TMEM74: variants seen among roughly 807,000 people sequenced by gnomAD.
TMEM74 encodes transmembrane protein 74.
TMEM74 carries 13 observed loss-of-function variants against 18.1 expected under a neutral mutation model. The observed-to-expected ratio is 0.72, with a 90% CI of 0.47 to 1.14. The LOEUF is 1.14. Ranked by LOEUF, TMEM74 falls within the 50% of genes most tolerant of loss-of-function variation. The probability of loss-of-function intolerance (pLI) is 0.00; values close to 1 mark genes in which losing one functional copy is unlikely to be tolerated. For synonymous variants in TMEM74, 159 were observed against 146.6 expected (o/e 1.08, Z -0.61); for missense variants, 372 against 375.9 (o/e 0.99, Z 0.09).
At chr8:108,689,224 A>G (rs1349882800) in intron 1 of TMEM74, among the ~76,000 whole-genome samples, 1 of 152,238 alleles carries the variant, frequency 6.6e-6, no homozygotes, top group Non-Finnish European at 1.5e-5. Flanking sequence ...GAAGACTAGT[A>G]GGAAAGCTAT....
At chr8:108,772,323 G>C (rs1814182387) in intron 1 of TMEM74, among the ~76,000 whole-genome samples, 1 of 152,140 alleles carries the variant, frequency 6.6e-6, no homozygotes, top group African/African-American at 2.4e-5. Context: ...GGGCCCAACT[G>C]ACTTGTATGT....
intron 1 of TMEM74, among the ~76,000 whole-genome samples, chr8:108,769,583 C>T (rs2130670141): frequency 6.6e-6 from 1 of 152,202 alleles, no homozygotes; most frequent in Non-Finnish European, 1.5e-5. Context: ...TGACCCCAAA[C>T]TAGGCCACAG....
rs561944674 is a variant in TMEM74 at position 108,626,335 on chromosome 8, A to T, written n.265-17509T>A. Among the ~76,000 whole-genome samples, 4 of 152,192 alleles carry T rather than the reference A, an allele frequency of 2.6e-5. No individual in the cohort carries two copies. In the South Asian group the frequency reaches 8.3e-4, roughly 32 times the overall value. On this transcript the variant is annotated intron_variant and non_coding_transcript_variant, in intron 2 of 3. Transcript: ENST00000518838. Reference sequence around the variant, plus strand: ...CCCTCTTACAATTCAGAATTTTATGATATTATGCACCTCTTAATTTCATTA... The same window carrying T: ...CCCTCTTACAATTCAGAATTTTATGTTATTATGCACCTCTTAATTTCATTA...
chr8:108,639,444 C>T (rs1399083309), intron 2 of TMEM74, among the ~76,000 whole-genome samples: 1 of 152,086 alleles, frequency 6.6e-6, no homozygotes, highest in Non-Finnish European at 1.5e-5. Flanking sequence ...TATACACACA[C>T]ACACATTACA....
chr8:108,657,877 T>TATATATATATATATATATATTAATTAC (rs1812857733), intron 1 of TMEM74, among the ~76,000 whole-genome samples: 1 of 70,888 alleles, frequency 1.4e-5, no homozygotes, highest in African/African-American at 6.1e-5. Flanking sequence ...TATATATATA[T>TATATATATATATATATATATTAATTAC]ATATATATAT....
intron 1 of TMEM74, among the ~76,000 whole-genome samples, chr8:108,743,362 CCTT>C (rs1206676606): frequency 1.3e-5 from 2 of 152,080 alleles, no homozygotes; most frequent in Non-Finnish European, 1.5e-5. Flanking sequence ...TGCTTCTTCT[CCTT>C]CTTGCAGCAA....
chr8:108,662,046 G>T (rs1258743890), intron 1 of TMEM74, among the ~76,000 whole-genome samples: 3 of 152,218 alleles, frequency 2.0e-5, no homozygotes, highest in South Asian at 2.1e-4. Context: ...TGGGGTGAAA[G>T]ATAGAGATGG....
intron 1 of TMEM74, among the ~76,000 whole-genome samples, chr8:108,717,933 C>A (rs1208462894): frequency 1.5e-5 from 2 of 131,304 alleles, no homozygotes; most frequent in Non-Finnish European, 3.3e-5. Context: ...GTGATATGAT[C>A]TGACTTAGGT....
At chr8:108,752,179 C>A (rs1197767062) in intron 1 of TMEM74, among the ~76,000 whole-genome samples, 1 of 152,106 alleles carries the variant, frequency 6.6e-6, no homozygotes, top group Non-Finnish European at 1.5e-5. Flanking sequence ...GGATCTGAAG[C>A]TGAACTCTCT....
At chr8:108,749,830 A>C (rs574476547) in intron 1 of TMEM74, among the ~76,000 whole-genome samples, 62 of 152,238 alleles carry the variant, frequency 4.1e-4, no homozygotes, top group African/African-American at 1.4e-3. Flanking sequence ...CTCTCCAGAC[A>C]TTATTAGAAA....
At chr8:108,620,964 C>T (rs1812433629) in intron 2 of TMEM74, among the ~76,000 whole-genome samples, 1 of 152,176 alleles carries the variant, frequency 6.6e-6, no homozygotes, top group African/African-American at 2.4e-5. Context: ...AGCCTTTTCT[C>T]ATGCCACTCC....
intron 1 of TMEM74, among the ~76,000 whole-genome samples, chr8:108,657,710 A>T (rs1047534716): frequency 6.7e-6 from 1 of 150,212 alleles, no homozygotes; most frequent in Admixed American, 6.6e-5. Flanking sequence ...GCGCATGTTG[A>T]TGTGTGCCTG....
At chr8:108,735,462 A>G (rs1389016493) in intron 1 of TMEM74, among the ~76,000 whole-genome samples, 1 of 152,138 alleles carries the variant, frequency 6.6e-6, no homozygotes, top group Non-Finnish European at 1.5e-5. Context: ...ATCATTTAGT[A>G]TACAGTTTTT....
In TMEM74 at chr8:108,781,980, C is replaced by G. The variant is rs115090731; in HGVS notation, c.*2201G>C. Among the ~76,000 whole-genome samples, 183 of 152,328 alleles carry G rather than the reference C, an allele frequency of 1.2e-3. No individual in the cohort carries two copies. Among genetic ancestry groups the G allele is most frequent in the African/African-American group, 4.0e-3 (167 of 41,582 alleles). Reference sequence around the variant, plus strand: ...TGATTCCACATTAATTCAGTTTAGTCTGCCATTTGGCTAATTAATCCTGTT... The same window carrying G: ...TGATTCCACATTAATTCAGTTTAGTGTGCCATTTGGCTAATTAATCCTGTT... On this transcript the variant is annotated 3_prime_UTR_variant, in exon 2 of 2. Coordinates refer to ENST00000297459, the MANE Select transcript of TMEM74 (RefSeq NM_153015.3).
At chr8:108,787,163 T>G (rs530020093) in intron 1 of TMEM74, among the ~76,000 whole-genome samples, 1 of 152,180 alleles carries the variant, frequency 6.6e-6, no homozygotes, top group African/African-American at 2.4e-5. Flanking sequence ...TTAAAAGCAT[T>G]AATATTTGCT....
intron 2 of TMEM74, among the ~76,000 whole-genome samples, chr8:108,645,717 C>A (rs1461424867): frequency 2.0e-5 from 3 of 152,068 alleles, no homozygotes; most frequent in Non-Finnish European, 4.4e-5. Context: ...ACAGACACAA[C>A]AGAGGAATCA....
At chr8:108,732,690 G>C (rs1006719405) in intron 1 of TMEM74, among the ~76,000 whole-genome samples, 2 of 151,890 alleles carry the variant, frequency 1.3e-5, no homozygotes, top group African/African-American at 4.8e-5. Flanking sequence ...GGGCACTTCA[G>C]CTTCTGCATT....
chr8:108,678,141 C>T (rs1269848728), intron 1 of TMEM74, among the ~76,000 whole-genome samples: 7 of 152,156 alleles, frequency 4.6e-5, no homozygotes, highest in African/African-American at 1.7e-4. Flanking sequence ...TGCATTAATA[C>T]TTACTTATAT....
At chr8:108,699,167 TCCTTCCTTCCTTCCTTCCTC>T (rs1469960388) in intron 1 of TMEM74, among the ~76,000 whole-genome samples, 47 of 108,092 alleles carry the variant, frequency 4.3e-4, no homozygotes, top group South Asian at 2.1e-3. Flanking sequence ...CTTCCTTCCT[TCCTTCCTTCCTTCCTTCCTC>T]CCTCCCTCCC....
Sources: gnomAD v4.1 joint callset for allele counts (sites outside exome capture counted in the v4.1 genomes callset) on GRCh38, gnomAD v4.1.1 for gene constraint, MANE v1.5 for transcripts, NCBI Gene and HGNC (gene_info 2026-07-23, HGNC 2026-07-21) for gene names.